ANKRD12: variants seen among roughly 807,000 people sequenced by gnomAD.
ANKRD12 encodes the protein ankyrin repeat domain-containing protein 12.
Under a neutral mutation model 183.4 loss-of-function variants are expected in ANKRD12, and 85 were observed. That is an observed-to-expected ratio of 0.46 (90% CI 0.39 to 0.56). ANKRD12 has a LOEUF of 0.56. ANKRD12 is among the 20% of genes least tolerant of loss of function. ANKRD12 has a pLI of 0.00. For missense variants in ANKRD12, 2,405 were observed against 2,357.1 expected, an observed-to-expected ratio of 1.02 and a Z score of -0.42; for synonymous variants, 914 against 800.2, an observed-to-expected ratio of 1.14 and a Z score of -2.40.
chr18:9,138,608 C>T (rs535428719), intron 1 of ANKRD12, among the ~76,000 whole-genome samples: 35 of 152,312 alleles, frequency 2.3e-4, no homozygotes, highest in Admixed American at 4.6e-4. Flanking sequence ...TTTCTTTAAT[C>T]GTTATACAAA....
intron 8 of ANKRD12, among the ~76,000 whole-genome samples, chr18:9,225,030 G>T (rs1254281644): frequency 6.6e-6 from 1 of 151,988 alleles, no homozygotes. Context: ...ACTAGCCTGG[G>T]CATTAGAGCA....
intron 10 of ANKRD12, among the ~76,000 whole-genome samples, chr18:9,272,390 G>A (rs920271639): frequency 2.6e-5 from 4 of 151,642 alleles, no homozygotes; most frequent in African/African-American, 7.3e-5. Flanking sequence ...TGGTGAAATC[G>A]CATCTCTACT....
In ANKRD12 at chr18:9,256,275, AAAC is replaced by A; in HGVS notation, c.3011_3013del (p.Thr1004del). ...GAAAAACCCTTATCCCTTAAAGAAA[AAAC>A]AAAAGATGAACCTTTGAAAACTCCA... On this transcript the variant is annotated inframe_deletion, in exon 9 of 13. Transcript: ENST00000262126. 6.2e-7 allele frequency: 1 copy of A among 1,606,260 alleles called. No homozygotes were observed. The highest frequency in any genetic ancestry group is 1.1e-5 in the South Asian group (1 of 89,108).
rs1274447841 is a variant in ANKRD12, at chr18:9,257,555, A to G, written c.4288A>G (p.Ser1430Gly). Residue 1430 changes from serine (S) to glycine (G), a missense_variant, in exon 9 of 13, where the codon AGC becomes GGC. Coordinates refer to ENST00000262126, the MANE Select transcript of ANKRD12 (RefSeq NM_015208.5). ...EMPVDRLETLSTRDFICPNSN... is the reference protein window; with the variant it reads ...EMPVDRLETLGTRDFICPNSN... ...GCCTGTTGATAGACTAGAGACATTA[A>G]GCACCAGAGACTTTATCTGCCCAAA... 2 of 1,614,136 alleles carry G rather than the reference A, an allele frequency of 1.2e-6. No homozygotes were observed. Among genetic ancestry groups the G allele is most frequent in the East Asian group, 2.2e-5 (1 of 44,884 alleles).
intron 12 of ANKRD12, among the ~76,000 whole-genome samples, chr18:9,280,511 G>A (rs903134426): frequency 2.0e-5 from 3 of 152,156 alleles, no homozygotes; most frequent in South Asian, 2.1e-4. Context: ...CTTGTAGGCC[G>A]GGTGTGGCAG....
intron 9 of ANKRD12, chr18:9,260,235 A>G (rs1231194796): frequency 6.6e-6 from 1 of 152,170 alleles, no homozygotes; most frequent in Non-Finnish European, 1.5e-5. Context: ...TAATCCAATT[A>G]TAGAACCCAT....
chr18:9,157,562 T>G (rs867637032), intron 1 of ANKRD12, among the ~76,000 whole-genome samples: 2 of 108,958 alleles, frequency 1.8e-5, no homozygotes, highest in Non-Finnish European at 3.5e-5. Context: ...TGTGTGTGTG[T>G]GTGTGTGTGT....
At chr18:9,155,625 A>G (rs377474041) in intron 1 of ANKRD12, among the ~76,000 whole-genome samples, 1 of 152,196 alleles carries the variant, frequency 6.6e-6, no homozygotes. Flanking sequence ...CCTTGCCAAC[A>G]GTTTTAATCT....
chr18:9,200,527 A>G (rs1416245829), intron 3 of ANKRD12: 1 of 152,132 alleles, frequency 6.6e-6, no homozygotes, highest in East Asian at 1.9e-4. Flanking sequence ...TGACAGGATA[A>G]ATTTTATAGT....
At chr18:9,161,601 C>G (rs1037911046) in intron 1 of ANKRD12, among the ~76,000 whole-genome samples, 3 of 151,874 alleles carry the variant, frequency 2.0e-5, no homozygotes, top group Non-Finnish European at 4.4e-5. Context: ...TGGTCTCGAT[C>G]TGCTGACCTT....
At chr18:9,199,253 A>G (rs534693723) in intron 3 of ANKRD12, among the ~76,000 whole-genome samples, 60 of 152,276 alleles carry the variant, frequency 3.9e-4, no homozygotes, top group African/African-American at 1.4e-3. Context: ...TGATCATGCC[A>G]CTGTACTCCA....
intron 8 of ANKRD12, among the ~76,000 whole-genome samples, chr18:9,235,021 A>C (rs1471092889): frequency 1.3e-5 from 2 of 152,046 alleles, no homozygotes; most frequent in African/African-American, 4.8e-5. Flanking sequence ...TCTCTGTTGG[A>C]CTTTAATGTT....
chr18:9,146,592 T>A (rs2078501242), intron 1 of ANKRD12, among the ~76,000 whole-genome samples: 1 of 152,226 alleles, frequency 6.6e-6, no homozygotes, highest in African/African-American at 2.4e-5. Flanking sequence ...GTTTTCAGAG[T>A]ACCAGCCTTT....
intron 9 of ANKRD12, among the ~76,000 whole-genome samples, chr18:9,261,993 A>T (rs2038994988): frequency 1.3e-5 from 2 of 152,260 alleles, no homozygotes. Context: ...CACAGGACGC[A>T]GAAATTAAAC....
At chr18:9,247,368 A>G (rs1257913091) in intron 8 of ANKRD12, among the ~76,000 whole-genome samples, 1 of 151,248 alleles carries the variant, frequency 6.6e-6, no homozygotes, top group African/African-American at 2.4e-5. Flanking sequence ...AGTCCTAGCT[A>G]CTTGAGAGGC....
At chr18:9,144,895 TACA>T (rs1185347026) in intron 1 of ANKRD12, among the ~76,000 whole-genome samples, 1 of 152,132 alleles carries the variant, frequency 6.6e-6, no homozygotes, top group Non-Finnish European at 1.5e-5. Flanking sequence ...ATGTAATACA[TACA>T]TTATGTAATA....
chr18:9,179,663 G>A (rs1172958413), intron 1 of ANKRD12, among the ~76,000 whole-genome samples: 5 of 151,916 alleles, frequency 3.3e-5, no homozygotes, highest in South Asian at 2.1e-4. Flanking sequence ...CCACCTGCAC[G>A]GACCACCATG....
intron 1 of ANKRD12, among the ~76,000 whole-genome samples, chr18:9,167,615 G>C (rs1222094720): frequency 6.6e-6 from 1 of 152,208 alleles, no homozygotes; most frequent in South Asian, 2.1e-4. Flanking sequence ...AGGAGATTTT[G>C]GGCTGAGACG....
At position 9,170,173 on chromosome 18, in the gene ANKRD12, T is replaced by A. The variant is rs978036502; in HGVS notation, c.-51-12209T>A. ...TTTTCCTTCATTTCAACTTTGGTGATTCTGACAATTATGTGTCTTGGAGTT... is the reference window on the plus strand; with the variant it reads ...TTTTCCTTCATTTCAACTTTGGTGAATCTGACAATTATGTGTCTTGGAGTT... On this transcript the variant is annotated intron_variant, in intron 1 of 12. Coordinates refer to ENST00000262126, the MANE Select transcript of ANKRD12 (RefSeq NM_015208.5). Among the ~76,000 whole-genome samples, 394 of 152,246 alleles carry A rather than the reference T, an allele frequency of 2.6e-3. 8 individuals are homozygous for A. The highest frequency in any genetic ancestry group is 8.6e-3 in the African/African-American group (356 of 41,534).
Sources: gnomAD v4.1 joint callset for allele counts (sites outside exome capture counted in the v4.1 genomes callset) on GRCh38, gnomAD v4.1.1 for gene constraint, MANE v1.5 for transcripts, NCBI Gene and HGNC (gene_info 2026-07-23, HGNC 2026-07-21) for gene names.